Variants in ZPBP observed in about 807,000 individuals in gnomAD.
ZPBP encodes zona pellucida binding protein, also known as zona pellucida-binding protein 1.
A neutral mutation model predicts 44.8 loss-of-function variants in ZPBP; 26 were observed. That is an observed-to-expected ratio of 0.58 (90% CI 0.43 to 0.81). ZPBP has a LOEUF of 0.81. ZPBP is among the 30% of genes least tolerant of loss of function. The probability of loss-of-function intolerance (pLI) is 0.00; values close to 1 mark genes in which losing one functional copy is unlikely to be tolerated. For missense variants in ZPBP, 409 were observed against 434.0 expected (o/e 0.94, Z 0.51); for synonymous variants, 174 against 153.2 (o/e 1.14, Z -1.00).
At chr7:50,058,259 G>A (rs1407156262) in intron 3 of ZPBP, 118 bp from the exon 4 acceptor site, 1 of 1,068,736 alleles carries the variant, frequency 9.4e-7, no homozygotes, top group Non-Finnish European at 1.4e-6. Flanking sequence ...AAGGAGTGGG[G>A]GGCATAGCTA....
intron 7 of ZPBP, among the ~76,000 whole-genome samples, chr7:49,945,249 ATT>A (rs1488197922): frequency 6.6e-6 from 1 of 152,042 alleles, no homozygotes; most frequent in African/African-American, 2.4e-5. Flanking sequence ...TAAAGATTTG[ATT>A]TGTGGCCTAA....
At chr7:49,867,254 C>A (rs1007193411) in intron 2 of ZPBP, among the ~76,000 whole-genome samples, 2 of 152,074 alleles carry the variant, frequency 1.3e-5, no homozygotes, top group East Asian at 1.9e-4. Flanking sequence ...TGATATTGAC[C>A]AAACTATCAC....
At chr7:49,978,140 T>A (rs1401333062) in intron 7 of ZPBP, among the ~76,000 whole-genome samples, 1 of 151,234 alleles carries the variant, frequency 6.6e-6, no homozygotes, top group Non-Finnish European at 1.5e-5. Context: ...ATATATAAGC[T>A]ATACAAAAAT....
intron 7 of ZPBP, chr7:49,940,833 A>T: frequency 9.1e-6 from 9 of 983,970 alleles, no homozygotes; most frequent in Non-Finnish European, 1.1e-5. Context: ...TGCCTGTGGG[A>T]TTGGTTTGTG....
rs71018444 is a variant in ZPBP at position 50,005,823 on chromosome 7, A to ATGTGTGTG, written c.783+12409_783+12416dup. On this transcript the variant is annotated intron_variant, in intron 6 of 7. Transcript: ENST00000046087. ...AATGAGTTAAACTTCATAACTATAT[A>ATGTGTGTG]TGTGTGTGTGTGTGTGTGTGTGTGT... 7.8e-3 allele frequency among the ~76,000 whole-genome samples: 1,123 copies of ATGTGTGTG among 144,876 alleles called. 12 individuals carry two copies. The highest frequency in any genetic ancestry group is 0.026 in the African/African-American group (980 of 38,280).
chr7:49,880,436 GT>G (rs1478868018), intron 2 of ZPBP, among the ~76,000 whole-genome samples: 1 of 150,148 alleles, frequency 6.7e-6, no homozygotes, highest in East Asian at 1.9e-4. Flanking sequence ...CTTTTGTTTT[GT>G]TTTTGACCTG....
At chr7:49,958,935 T>C (rs1379443905) in intron 7 of ZPBP, among the ~76,000 whole-genome samples, 1 of 152,004 alleles carries the variant, frequency 6.6e-6, no homozygotes, top group African/African-American at 2.4e-5. Flanking sequence ...AAAAATACTC[T>C]TGAAAAAGGT....
intron 4 of ZPBP, among the ~76,000 whole-genome samples, chr7:50,037,998 T>G (rs1799897558): frequency 6.6e-6 from 1 of 152,158 alleles, no homozygotes; most frequent in Non-Finnish European, 1.5e-5. Context: ...TCCTACCTCC[T>G]GAGACAGAGG....
At position 50,031,226 on chromosome 7, in the gene ZPBP, T is replaced by A; in HGVS notation, c.572A>T (p.Glu191Val). ...PCNSIYNISF[E>V]KKLLQILSKL... Reference sequence around the variant, plus strand: ...GCTTAAAATCTGAAGAAGTTTCTTCTCAAAAGAAATATTATAAATGCTATT... The same window carrying A: ...GCTTAAAATCTGAAGAAGTTTCTTCACAAAAGAAATATTATAAATGCTATT... The change falls in exon 5 of 8, where the codon GAG (glutamate) becomes GTG (valine). Residue 191 changes from glutamate (E) to valine (V), a missense_variant. By Grantham distance (121) the Glu-to-Val change is moderately radical. Around this residue, in one of 2 missense-constraint regions of ZPBP, gnomAD observed 367 missense variants for 363.1 expected, o/e 1.01. Coordinates refer to ENST00000046087, the MANE Select transcript of ZPBP (RefSeq NM_007009.3). 1.9e-6 allele frequency: 3 copies of A among 1,613,304 alleles called. No homozygotes were observed. The highest frequency in any genetic ancestry group is 2.5e-6 in the Non-Finnish European group (3 of 1,179,804).
chr7:49,912,508 A>G, intron 1 of ZPBP: 1 of 189,322 alleles, frequency 5.3e-6, no homozygotes, highest in Non-Finnish European at 1.1e-5. Flanking sequence ...TGTTTTCTAT[A>G]GATGCAGATT....
intron 1 of ZPBP, among the ~76,000 whole-genome samples, chr7:49,925,804 T>C (rs1274211127): frequency 6.6e-6 from 1 of 152,216 alleles, no homozygotes; most frequent in African/African-American, 2.4e-5. Context: ...CCCTCTCCAC[T>C]GTCTTTCAGA....
chr7:50,018,249 T>C lies in ZPBP; in HGVS notation c.774A>G (p.Arg258=), dbSNP rs1181581291. The change falls in exon 6 of 8, where the codon AGA becomes AGG. Residue 258 remains arginine, a synonymous_variant. Transcript: ENST00000046087. ...CTDHNCEPYK[R]LFKAKNLIER... is the part of the protein sequence containing the mutation. ...GCCTCACATAACATACCTTAAAAAGTCTTTTGTAAGGTTCACAGTTATGGT... is the reference window on the plus strand; with the variant it reads ...GCCTCACATAACATACCTTAAAAAGCCTTTTGTAAGGTTCACAGTTATGGT... 2 of 1,610,864 alleles carry C rather than the reference T, an allele frequency of 1.2e-6. No individual in the cohort carries two copies. Among genetic ancestry groups the C allele is most frequent in the Non-Finnish European group, 8.5e-7 (1 of 1,178,620 alleles).
At chr7:49,986,254 G>A (rs1797274225) in intron 6 of ZPBP, among the ~76,000 whole-genome samples, 1 of 152,108 alleles carries the variant, frequency 6.6e-6, no homozygotes, top group Non-Finnish European at 1.5e-5. Flanking sequence ...TGCTCCTGGG[G>A]GTCAGGAATG....
At chr7:50,039,680 G>A (rs1584099150) in intron 4 of ZPBP, among the ~76,000 whole-genome samples, 1 of 152,058 alleles carries the variant, frequency 6.6e-6, no homozygotes, top group Non-Finnish European at 1.5e-5. Flanking sequence ...CAAATGAAGA[G>A]AACCACAAAT....
At chr7:49,991,327 C>T (rs936148505) in intron 6 of ZPBP, among the ~76,000 whole-genome samples, 23 of 151,978 alleles carry the variant, frequency 1.5e-4, no homozygotes, top group African/African-American at 5.6e-4. Flanking sequence ...TTGTTAGGAA[C>T]ATCAGAACAG....
chr7:50,017,347 G>A (rs1341147475), intron 6 of ZPBP, among the ~76,000 whole-genome samples: 2 of 152,084 alleles, frequency 1.3e-5, no homozygotes, highest in Admixed American at 1.3e-4. Flanking sequence ...GATCTGACAG[G>A]AGAAGGCAGA....
At chr7:50,025,799 A>G (rs1799299379) in intron 5 of ZPBP, among the ~76,000 whole-genome samples, 3 of 151,846 alleles carry the variant, frequency 2.0e-5, no homozygotes, top group Admixed American at 2.0e-4. Flanking sequence ...AACTGCTCTA[A>G]AAATAGTCAA....
chr7:49,899,033 A>C (rs890991961), intron 2 of ZPBP, among the ~76,000 whole-genome samples: 2 of 152,088 alleles, frequency 1.3e-5, no homozygotes, highest in African/African-American at 4.8e-5. Flanking sequence ...AATGGGCTAT[A>C]TACACCAAGA....
intron 4 of ZPBP, among the ~76,000 whole-genome samples, chr7:50,054,058 T>G (rs1452737417): frequency 6.6e-6 from 1 of 152,046 alleles, no homozygotes; most frequent in Non-Finnish European, 1.5e-5. Context: ...CTGGCTAATT[T>G]TTTTGTATTT....
Sources: gnomAD v4.1 joint callset for allele counts (sites outside exome capture counted in the v4.1 genomes callset) on GRCh38, gnomAD v4.1.1 for gene constraint, gnomAD v4.1.1 regional missense constraint, MANE v1.5 for transcripts, NCBI Gene and HGNC (gene_info 2026-07-23, HGNC 2026-07-21) for gene names.